The following PRC1 variants were observed in gnomAD, a reference collection of about 807,000 sequenced individuals.
The protein encoded by PRC1 is protein regulator of cytokinesis 1.
A neutral mutation model predicts 91.2 loss-of-function variants in PRC1; 54 were observed. The observed-to-expected ratio is 0.59, with a 90% confidence interval of 0.48 to 0.74. The LOEUF is 0.74. Among genes scored for constraint, PRC1 ranks in the 30% least tolerant of loss-of-function variants. The probability of loss-of-function intolerance (pLI) is 0.00; values close to 1 mark genes in which losing one functional copy is unlikely to be tolerated. For missense variants in PRC1, 727 were observed against 746.2 expected (o/e 0.97, Z 0.30); for synonymous variants, 275 against 263.6 (o/e 1.04, Z -0.42).
intron 8 of PRC1, among the ~76,000 whole-genome samples, chr15:90,978,835 C>G (rs1314657518): frequency 6.6e-6 from 1 of 151,624 alleles, no homozygotes; most frequent in African/African-American, 2.4e-5. Flanking sequence ...GAGGTCCACC[C>G]TTAGTGGTGG....
At chr15:90,976,176 C>A (rs2038675177) in intron 9 of PRC1, among the ~76,000 whole-genome samples, 1 of 152,154 alleles carries the variant, frequency 6.6e-6, no homozygotes, top group South Asian at 2.1e-4. Context: ...GCAACCTCTG[C>A]CTCCTGGGTT....
At chr15:90,972,214 C>CAA (rs780979035) in intron 11 of PRC1, among the ~76,000 whole-genome samples, 7,383 of 119,064 alleles carry the variant, frequency 0.062, 321 homozygotes, top group South Asian at 0.15. Flanking sequence ...ACACCACCAA[C>CAA]AAAAAAAAAA....
Position 90,966,507 on chromosome 15 carries a change from C to G in PRC1, c.*624G>C. ...AAGCATGTGTGTTCATACATGCATACCCCCAACAAAGGGCAATGCACTGTG... is the reference window on the plus strand; with the variant it reads ...AAGCATGTGTGTTCATACATGCATAGCCCCAACAAAGGGCAATGCACTGTG... On this transcript the variant is annotated 3_prime_UTR_variant, in exon 15 of 15. Coordinates refer to ENST00000394249, the MANE Select transcript of PRC1 (RefSeq NM_003981.4). 2.2e-6 allele frequency: 1 copy of G among 451,620 alleles called. No homozygotes were observed. The highest frequency in any genetic ancestry group is 4.5e-6 in the Non-Finnish European group (1 of 223,730). The allele number at this position is 451,620 out of a possible 1,614,324, so 28.0% of individuals were successfully genotyped here. A position where few individuals can be genotyped will look rare whatever the true frequency, so the allele number is the denominator to read the frequency against.
At chr15:90,976,956 C>A (rs1206976989) in intron 8 of PRC1, among the ~76,000 whole-genome samples, 185 bp from the exon 9 acceptor site, 1 of 151,948 alleles carries the variant, frequency 6.6e-6, no homozygotes, top group African/African-American at 2.4e-5. Flanking sequence ...CATGGCGAAA[C>A]CCCATCTCTA....
At position 90,967,048 on chromosome 15, in the gene PRC1, T is replaced by A. The variant is rs1429406229; in HGVS notation, c.*83A>T. 7.8e-7 allele frequency: 1 copy of A among 1,288,324 alleles called. No individual in the cohort carries two copies. The highest frequency in any genetic ancestry group is 2.3e-5 in the East Asian group (1 of 43,280). 79.8% of individuals were successfully genotyped at this position (1,288,324 alleles called of 1,614,324 possible). ...GCCAAGGTTTCAAGCACGCCTAAGC[T>A]GAAGAAAAACTAAAGTCACCCCCAT... On this transcript the variant is annotated 3_prime_UTR_variant, in exon 15 of 15. Transcript: ENST00000394249.
At chr15:90,983,896 C>A in intron 3 of PRC1, 122 bp downstream of exon 3, 1 of 1,318,660 alleles carries the variant, frequency 7.6e-7, no homozygotes, top group Non-Finnish European at 1.0e-6. Flanking sequence ...ATGTTTTCCC[C>A]ACTTCTTACG....
rs764158450 is a variant in PRC1, at chr15:90,994,460, T to TCCACACGGCCCCGAGAGCAACAA, written c.-66_-44dup. ...GCCGTGAGTCCAGGTCCAGACCTAC[T>TCCACACGGCCCCGAGAGCAACAA]CCACACGGCCCCGAGAGCAACAACC... On this transcript the variant is annotated 5_prime_UTR_variant, in exon 1 of 15. Coordinates refer to ENST00000394249, the MANE Select transcript of PRC1 (RefSeq NM_003981.4). 3,907 of 1,601,814 alleles carry TCCACACGGCCCCGAGAGCAACAA rather than the reference T, an allele frequency of 2.4e-3. 6 individuals carry two copies. Among genetic ancestry groups the TCCACACGGCCCCGAGAGCAACAA allele is most frequent in the Non-Finnish European group, 3.1e-3 (3,591 of 1,174,006 alleles).
rs1344619509 is a variant in PRC1, at chr15:90,980,315, C to T, written c.897G>A (p.Val299=). The T allele has an allele frequency of 3.1e-6, 5 of 1,614,182 alleles. No homozygotes were observed. The Admixed American group carries it at 5.0e-5, about 16-fold the overall frequency. ...ACTGGTCCCAGTACTGAACCAGCTC[C>T]ACTCGAATTGCCTCAATCACTTTCT... is the stretch of plus-strand genomic sequence containing the variant. ...NMKKVIEAIR[V]ELVQYWDQCF... is the part of the protein sequence containing the mutation. Residue 299 remains valine (V), a synonymous_variant, in exon 7 of 15, where the codon GTG becomes GTA. Coordinates refer to ENST00000394249, the MANE Select transcript of PRC1 (RefSeq NM_003981.4).
intron 1 of PRC1, among the ~76,000 whole-genome samples, chr15:90,985,325 C>T (rs904741501): frequency 1.3e-5 from 2 of 150,162 alleles, no homozygotes; most frequent in South Asian, 2.1e-4. Flanking sequence ...CTACCTTTTG[C>T]GTTCAAATGA....
chr15:90,973,789 T>C lies in PRC1; in HGVS notation c.1461+347A>G, dbSNP rs977068356. 2.0e-5 allele frequency among the ~76,000 whole-genome samples: 3 copies of C among 152,142 alleles called. 1 individual carries two copies. Among genetic ancestry groups the C allele is most frequent in the Admixed American group, 6.5e-5 (1 of 15,276 alleles). On this transcript the variant is annotated intron_variant, in intron 11 of 14. Coordinates refer to ENST00000394249, the MANE Select transcript of PRC1 (RefSeq NM_003981.4). ...GCACAGTACCTTCCCTTGAACTTAT[T>C]TGTGACACAGATTCCTTTGCTCACG...
Position 90,970,348 on chromosome 15 carries a change from G to A in PRC1, c.1572+56C>T, listed in dbSNP as rs534136559. ...TCTAGAACAAGTAGGTGGGGCCTCT[G>A]GGTGAACAGGCTAGGGACGCATGTG... On this transcript the variant is annotated intron_variant, in intron 12 of 14. Coordinates refer to ENST00000394249, the MANE Select transcript of PRC1 (RefSeq NM_003981.4). The A allele has an allele frequency of 3.1e-6, 4 of 1,309,904 alleles. No homozygotes were observed. The East Asian group carries it at 7.1e-5, about 23-fold the overall frequency. 81.1% of individuals were successfully genotyped at this position (1,309,904 alleles called of 1,614,324 possible).
chr15:90,974,593 G>C lies in PRC1; in HGVS notation c.1342C>G (p.Gln448Glu), dbSNP rs2038505445. 4 of 1,613,938 alleles carry C rather than the reference G, an allele frequency of 2.5e-6. No individual in the cohort carries two copies. The highest frequency in any genetic ancestry group is 3.4e-6 in the Non-Finnish European group (4 of 1,180,038). ...MHRLEKERAKQERQLKNKKQT... is the reference protein window; with the variant it reads ...MHRLEKERAKEERQLKNKKQT... ...TTCACGTTCACACTTACTCTTTCCT[G>C]CTTGGCTCTCTCTTTCTCCAATCGA... Residue 448 changes from glutamine (Q) to glutamate (E), a missense_variant, in exon 10 of 15, where the codon CAG becomes GAG. Gln to Glu is a conservative substitution (Grantham distance 29). Transcript: ENST00000394249. The surrounding 1 kb of genome is among the most constrained non-coding windows in gnomAD (Gnocchi z 4.6).
Position 90,966,462 on chromosome 15 carries a change from C to G in PRC1, c.*669G>C. ...GGGGAGATGAGAGCCAAGGGACAAA[C>G]GCCGAGAAAGCGTTCCGACAAGCAT... On this transcript the variant is annotated 3_prime_UTR_variant, in exon 15 of 15. Coordinates refer to ENST00000394249, the MANE Select transcript of PRC1 (RefSeq NM_003981.4). The G allele has an allele frequency of 2.6e-6, 1 of 391,672 alleles. No individual in the cohort carries two copies. The allele number at this position is 391,672 out of a possible 1,614,324, so 24.3% of individuals were successfully genotyped here.
At position 90,990,390 on chromosome 15, in the gene PRC1, AATT is replaced by A. The variant is rs754582960; in HGVS notation, c.11+4014_11+4016del. ...AAAATAAATAAATAAATAAATAAATAATTTTTTTTTTTTTTTTAAGAGGTAGAG... is the reference window on the plus strand; with the variant it reads ...AAAATAAATAAATAAATAAATAAATATTTTTTTTTTTTTTAAGAGGTAGAG... On this transcript the variant is annotated intron_variant, in intron 1 of 14. Coordinates refer to ENST00000394249, the MANE Select transcript of PRC1 (RefSeq NM_003981.4). 9.0e-3 allele frequency among the ~76,000 whole-genome samples: 1,093 copies of A among 121,586 alleles called. 10 individuals carry two copies. The highest frequency in any genetic ancestry group is 0.043 in the African/African-American group (992 of 23,226). 79.8% of individuals were successfully genotyped at this position (121,586 alleles called of 152,430 possible).
rs2039428369 is a variant in PRC1 at position 90,984,330 on chromosome 15, T to C, written c.145-190A>G. Among the ~76,000 whole-genome samples the C allele has an allele frequency of 6.6e-6, 1 of 152,118 alleles. No homozygotes were observed. Among genetic ancestry groups the C allele is most frequent in the South Asian group, 2.1e-4 (1 of 4,826 alleles). On this transcript the variant is annotated intron_variant, in intron 2 of 14. Coordinates refer to ENST00000394249, the MANE Select transcript of PRC1 (RefSeq NM_003981.4). This position sits in a 1 kb window ranked among gnomAD's most constrained non-coding sequence, Gnocchi z 5.1. The stretch of plus-strand genomic sequence containing the variant: ...TGCAACCTCTACCTTCCGGGTTCAA[T>C]AGATTCTCCTGTCTCAGCCTCTTGA...
intron 9 of PRC1, among the ~76,000 whole-genome samples, chr15:90,975,301 G>A (rs2038578280): frequency 6.6e-6 from 1 of 151,998 alleles, no homozygotes; most frequent in Non-Finnish European, 1.5e-5. Context: ...ATGGGGTTTC[G>A]TCATGTTGGC....
intron 1 of PRC1, among the ~76,000 whole-genome samples, chr15:90,993,746 T>C (rs531371863): frequency 1.3e-5 from 2 of 152,192 alleles, no homozygotes; most frequent in East Asian, 3.9e-4. Context: ...CAAAGCTATC[T>C]TTCCAATTCA....
rs2037523199 is a variant in PRC1 at position 90,966,714 on chromosome 15, GAACATGCCTAAAC to G, written c.*404_*416del. 2.2e-6 allele frequency: 1 copy of G among 451,178 alleles called. No homozygotes were observed. Among genetic ancestry groups the G allele is most frequent in the Admixed American group, 2.4e-5 (1 of 41,760 alleles). The allele number at this position is 451,178 out of a possible 1,614,324, so 27.9% of individuals were successfully genotyped here. Reference sequence around the variant, plus strand: ...AGCTATGATAGCTACAGCATTAATTGAACATGCCTAAACAAAAAAGATGTTAATTACTAGTTAC... The same window carrying G: ...AGCTATGATAGCTACAGCATTAATTGAAAAAAGATGTTAATTACTAGTTAC... On this transcript the variant is annotated 3_prime_UTR_variant, in exon 15 of 15. Coordinates refer to ENST00000394249, the MANE Select transcript of PRC1 (RefSeq NM_003981.4).
At chr15:90,983,287 G>A (rs1303112177) in intron 3 of PRC1, among the ~76,000 whole-genome samples, 1 of 152,090 alleles carries the variant, frequency 6.6e-6, no homozygotes, top group African/African-American at 2.4e-5. Context: ...ACAGGAAGAG[G>A]GACCTGAGAA....
Sources: allele counts gnomAD v4.1 joint callset (sites outside exome capture counted in the v4.1 genomes callset), GRCh38; gene constraint gnomAD v4.1.1; non-coding constraint Gnocchi (gnomAD v3.1); transcripts MANE v1.5; gene names NCBI Gene and HGNC (gene_info 2026-07-23, HGNC 2026-07-21).